Variants in NUDT1 observed in about 807,000 individuals in gnomAD.
NUDT1 encodes oxidized purine nucleoside triphosphate hydrolase.
A neutral mutation model predicts 11.3 loss-of-function variants in NUDT1; 16 were observed. The ratio of observed to expected loss-of-function variants is 1.41; its 90% CI spans 0.96 to 2.15. The LOEUF (loss-of-function observed/expected upper bound fraction) is 2.15. NUDT1 is among the 30% of genes most tolerant of loss of function. The pLI is 0.00. For synonymous variants in NUDT1, 101 were observed against 84.4 expected (o/e 1.20, Z -1.08); for missense variants, 234 against 208.4 (o/e 1.12, Z -0.76).
chr7:2,245,102 T>C (rs1252226797), intron 2 of NUDT1, among the ~76,000 whole-genome samples: 1 of 152,140 alleles, frequency 6.6e-6, no homozygotes, highest in African/African-American at 2.4e-5. Context: ...AGTCACTTGG[T>C]TCCTCTGTCT....
chr7:2,246,666 CACAA>C (rs1794778082), intron 2 of NUDT1, among the ~76,000 whole-genome samples: 1 of 152,310 alleles, frequency 6.6e-6, no homozygotes, highest in South Asian at 2.1e-4. Flanking sequence ...GTAAATATTA[CACAA>C]ACAGAGGGAC....
At chr7:2,247,874 C>T (rs1359285119) in intron 2 of NUDT1, among the ~76,000 whole-genome samples, 1 of 152,228 alleles carries the variant, frequency 6.6e-6, no homozygotes, top group African/African-American at 2.4e-5. Flanking sequence ...CGCCAAGAGG[C>T]GGGTGAGGCC....
intron 2 of NUDT1, among the ~76,000 whole-genome samples, chr7:2,246,606 A>C (rs1794775259): frequency 6.6e-6 from 1 of 151,972 alleles, no homozygotes; most frequent in East Asian, 1.9e-4. Flanking sequence ...GCCCTGCTTT[A>C]TTTTCTTCTG....
intron 2 of NUDT1, among the ~76,000 whole-genome samples, chr7:2,249,057 G>C (rs960922032): frequency 6.6e-6 from 1 of 152,198 alleles, no homozygotes; most frequent in Non-Finnish European, 1.5e-5. Context: ...AGACTACTTC[G>C]GGGAAACCTG....
In NUDT1 at chr7:2,249,956, T is replaced by C. The variant is rs368068524; in HGVS notation, c.252T>C (p.His84=). 13 of 1,614,188 alleles carry C rather than the reference T, an allele frequency of 8.1e-6. No individual in the cohort carries two copies. In the Admixed American group the frequency reaches 1.5e-4, roughly 19 times the overall value. The change falls in exon 3 of 4, where the codon CAT becomes CAC. Residue 84 remains histidine, a synonymous_variant. Transcript: ENST00000356714. ...FVGEPELMDV[H]VFCTDSIQGT... is the part of the protein sequence containing the mutation. ...GCGAGCCTGAGCTCATGGACGTGCATGTCTTCTGCACAGACAGCATCCAGG... is the reference window on the plus strand; with the variant it reads ...GCGAGCCTGAGCTCATGGACGTGCACGTCTTCTGCACAGACAGCATCCAGG...
chr7:2,250,757 CA>C (rs1196298393), intron 3 of NUDT1, 71 bp from the exon 4 acceptor site: 35 of 1,570,738 alleles, frequency 2.2e-5, no homozygotes, highest in East Asian at 9.1e-5. Flanking sequence ...CGCGCCCGGC[CA>C]AAAAAAACAT....
Position 2,251,143 on chromosome 7 carries a change from G to GT in NUDT1, c.*143dup. 1 of 756,212 alleles carries GT rather than the reference G, an allele frequency of 1.3e-6. No homozygotes were observed. Among genetic ancestry groups the GT allele is most frequent in the Non-Finnish European group, 2.1e-6 (1 of 476,922 alleles). 46.8% of individuals were successfully genotyped at this position (756,212 alleles called of 1,614,324 possible). On this transcript the variant is annotated 3_prime_UTR_variant, in exon 4 of 4. Coordinates refer to ENST00000356714, the MANE Select transcript of NUDT1 (RefSeq NM_002452.4). ...GAAGGGAAAATAAAGCTATCTAGCGGTGGTTTTTTTTTTTTTTTTTTGGAG... is the reference window on the plus strand; with the variant it reads ...GAAGGGAAAATAAAGCTATCTAGCGGTTGGTTTTTTTTTTTTTTTTTTGGAG...
At chr7:2,246,538 G>T (rs967872602) in intron 2 of NUDT1, among the ~76,000 whole-genome samples, 1 of 152,226 alleles carries the variant, frequency 6.6e-6, no homozygotes, top group South Asian at 2.1e-4. Context: ...AACTCCAGGT[G>T]GCTGGATTTC....
chr7:2,250,780 A>G, intron 3 of NUDT1, 49 bp from the exon 4 acceptor site: 1 of 1,611,892 alleles, frequency 6.2e-7, no homozygotes, highest in Non-Finnish European at 8.5e-7. Flanking sequence ...TTTTTTAAGC[A>G]TGAAGTTTGG....
intron 3 of NUDT1, among the ~76,000 whole-genome samples, chr7:2,250,488 C>T (rs926142499): frequency 6.6e-6 from 1 of 152,222 alleles, no homozygotes; most frequent in African/African-American, 2.4e-5. Context: ...GACGAAGTCT[C>T]GCTCTGTCGC....
chr7:2,248,934 A>G (rs1192804646), intron 2 of NUDT1, among the ~76,000 whole-genome samples: 2 of 152,242 alleles, frequency 1.3e-5, no homozygotes, highest in Admixed American at 6.5e-5. Flanking sequence ...ACAGAGGAGA[A>G]AGAGCCAAAG....
chr7:2,243,191 G>C (rs1375795496), intron 1 of NUDT1: 2 of 568,612 alleles, frequency 3.5e-6, no homozygotes, highest in Middle Eastern at 2.7e-4. Context: ...AGCGGCTTGT[G>C]TCTCTGCCCA....
At chr7:2,248,491 T>G (rs930554261) in intron 2 of NUDT1, among the ~76,000 whole-genome samples, 24 of 151,690 alleles carry the variant, frequency 1.6e-4, no homozygotes, top group Admixed American at 4.6e-4. Context: ...TGGAATGTCA[T>G]GCACTCCTCC....
At chr7:2,244,244 G>C (rs998899360) in intron 1 of NUDT1, among the ~76,000 whole-genome samples, 1 of 152,178 alleles carries the variant, frequency 6.6e-6, no homozygotes, top group Non-Finnish European at 1.5e-5. Context: ...AGACGCAGGA[G>C]CAAGAGCACG....
intron 1 of NUDT1, among the ~76,000 whole-genome samples, chr7:2,244,285 T>C (rs1794677465): frequency 6.6e-6 from 1 of 152,168 alleles, no homozygotes; most frequent in Non-Finnish European, 1.5e-5. Context: ...CCTCTGCACC[T>C]GAGTACTGAC....
intron 2 of NUDT1, 56 bp from the exon 3 acceptor site, chr7:2,249,801 G>A (rs1794905053): frequency 1.3e-6 from 2 of 1,598,866 alleles, no homozygotes; most frequent in South Asian, 2.2e-5. Flanking sequence ...CTGCCATCGT[G>A]TGGGCATGGC....
In NUDT1 at chr7:2,251,033, C is replaced by T. The variant is rs141118084; in HGVS notation, c.*32C>T. The T allele has an allele frequency of 8.1e-3, 13,044 of 1,611,126 alleles. 98 individuals are homozygous for T. Among genetic ancestry groups the T allele is most frequent in the Admixed American group, 0.011 (662 of 59,972 alleles). On this transcript the variant is annotated 3_prime_UTR_variant, in exon 4 of 4. Transcript: ENST00000356714. ...CCCAGGGCAGCCCCTGGGCAGGAGA[C>T]GTGGCTGCTGAACAGCCGCAAACCA...
rs761359131 is a variant in NUDT1, at chr7:2,250,778, G to A, written c.299-51G>A. 1.9e-6 allele frequency: 3 copies of A among 1,610,858 alleles called. No individual in the cohort carries two copies. The South Asian group carries it at 3.3e-5, about 18-fold the overall frequency. On this transcript the variant is annotated intron_variant, in intron 3 of 3. Transcript: ENST00000356714. ...CGGCCAAAAAAAACATGTTTTTTAAGCATGAAGTTTGGGTTGCACCTCAGT... is the reference window on the plus strand; with the variant it reads ...CGGCCAAAAAAAACATGTTTTTTAAACATGAAGTTTGGGTTGCACCTCAGT...
intron 1 of NUDT1, 121 bp downstream of exon 1, chr7:2,242,377 G>C: frequency 1.9e-6 from 1 of 530,232 alleles, no homozygotes; most frequent in Non-Finnish European, 3.3e-6. Flanking sequence ...GGGGCCGGGA[G>C]CTCGAAGGAG....
Sources: allele counts gnomAD v4.1 joint callset (sites outside exome capture counted in the v4.1 genomes callset), GRCh38; gene constraint gnomAD v4.1.1; transcripts MANE v1.5; gene names NCBI Gene and HGNC (gene_info 2026-07-23, HGNC 2026-07-21).